Variants in MGAT4C observed in about 807,000 individuals in gnomAD.
MGAT4C encodes alpha-1,3-mannosyl-glycoprotein 4-beta-N-acetylglucosaminyltransferase C.
Under a neutral mutation model 40.1 loss-of-function variants are expected in MGAT4C, and 19 were observed. The observed-to-expected ratio is 0.47, with a 90% CI of 0.33 to 0.70. The LOEUF (loss-of-function observed/expected upper bound fraction) is 0.70, where lower values mean the gene tolerates loss of function less well. Among genes scored for constraint, MGAT4C ranks in the 30% least tolerant of loss-of-function variants. The pLI, the probability that MGAT4C is intolerant of heterozygous loss-of-function variation, is 0.02. For missense variants in MGAT4C, 491 were observed against 563.2 expected (o/e 0.87, Z 1.30); for synonymous variants, 181 against 187.1 (o/e 0.97, Z 0.27).
At chr12:86,286,434 G>A (rs1430080875) in intron 4 of MGAT4C, among the ~76,000 whole-genome samples, 1 of 152,036 alleles carries the variant, frequency 6.6e-6, no homozygotes, top group Non-Finnish European at 1.5e-5. Context: ...TTGCTATACA[G>A]ACAATAATAC....
At chr12:86,142,720 T>C (rs1238798762) in intron 1 of MGAT4C, among the ~76,000 whole-genome samples, 1 of 151,632 alleles carries the variant, frequency 6.6e-6, no homozygotes, top group African/African-American at 2.4e-5. Flanking sequence ...TTTTTTTTTT[T>C]TGTTTTTTTT....
intron 4 of MGAT4C, among the ~76,000 whole-genome samples, chr12:86,268,996 A>G (rs1393015764): frequency 1.6e-5 from 2 of 128,916 alleles, no homozygotes; most frequent in Non-Finnish European, 3.2e-5. Flanking sequence ...CCTTTTGTAT[A>G]TATTCTTTCA....
chr12:85,999,553 T>A (rs1887043259), intron 2 of MGAT4C, among the ~76,000 whole-genome samples: 1 of 146,280 alleles, frequency 6.8e-6, no homozygotes, highest in Non-Finnish European at 1.5e-5. Flanking sequence ...TGCAGATGAA[T>A]AGGTAAAGAA....
intron 3 of MGAT4C, among the ~76,000 whole-genome samples, chr12:86,384,762 G>T (rs540199970): frequency 6.6e-6 from 1 of 152,080 alleles, no homozygotes; most frequent in Non-Finnish European, 1.5e-5. Context: ...TCTGTTTAAC[G>T]TCCAGTAATC....
At chr12:86,256,786 T>C (rs190018389), upstream of MGAT4C, among the ~76,000 whole-genome samples, 1 of 152,274 alleles carries the variant, frequency 6.6e-6, no homozygotes, top group Admixed American at 6.5e-5. Context: ...TTGTAATTAC[T>C]TTGCATTGAT....
chr12:86,567,098 T>C (rs765862774), intron 2 of MGAT4C, among the ~76,000 whole-genome samples: 4 of 152,082 alleles, frequency 2.6e-5, no homozygotes, highest in Non-Finnish European at 5.9e-5. Context: ...TGTGGCAAAG[T>C]ACTCCAGGAG....
At chr12:86,468,475 C>T (rs1409576426) in intron 2 of MGAT4C, among the ~76,000 whole-genome samples, 1 of 151,950 alleles carries the variant, frequency 6.6e-6, no homozygotes, top group African/African-American at 2.4e-5. Context: ...CTCTCCACCC[C>T]ATATCCACAC....
intron 2 of MGAT4C, among the ~76,000 whole-genome samples, chr12:86,045,671 G>T (rs1158688662): frequency 6.6e-6 from 1 of 152,104 alleles, no homozygotes; most frequent in Non-Finnish European, 1.5e-5. Context: ...GATAATCAGA[G>T]AACAACAATC....
At chr12:86,333,357 C>A (rs1954714244) in intron 4 of MGAT4C, among the ~76,000 whole-genome samples, 1 of 152,112 alleles carries the variant, frequency 6.6e-6, no homozygotes, top group South Asian at 2.1e-4. Flanking sequence ...CATCATTTAC[C>A]CCTCTCTCTC....
intron 1 of MGAT4C, among the ~76,000 whole-genome samples, chr12:86,097,806 C>T (rs891778873): frequency 2.6e-5 from 4 of 151,546 alleles, no homozygotes; most frequent in Non-Finnish European, 4.4e-5. Context: ...GAAAGCCCCA[C>T]GTACCTATTA....
chr12:86,463,054 C>G (rs1244670999), intron 2 of MGAT4C, among the ~76,000 whole-genome samples: 2 of 152,040 alleles, frequency 1.3e-5, no homozygotes, highest in Admixed American at 1.3e-4. Context: ...TCCATACCAC[C>G]CAGAATCTGA....
At chr12:86,675,047 A>G in intron 2 of MGAT4C, among the ~76,000 whole-genome samples, 1 of 152,106 alleles carries the variant, frequency 6.6e-6, no homozygotes, top group East Asian at 1.9e-4. Context: ...AAGTGAGAAA[A>G]CTTACAACAC....
chr12:86,702,167 G>C (rs1291455444), intron 2 of MGAT4C, among the ~76,000 whole-genome samples: 1 of 151,470 alleles, frequency 6.6e-6, no homozygotes, highest in Admixed American at 6.6e-5. Flanking sequence ...GTAGCTAGCT[G>C]AGTCTTGCAA....
chr12:86,100,775 T>G (rs1874857698), intron 1 of MGAT4C, among the ~76,000 whole-genome samples: 1 of 151,506 alleles, frequency 6.6e-6, no homozygotes, highest in Admixed American at 6.6e-5. Flanking sequence ...CATGGTCAAA[T>G]AAAATTTTGG....
At chr12:86,299,139 C>T (rs112860792) in intron 4 of MGAT4C, among the ~76,000 whole-genome samples, 261 of 152,042 alleles carry the variant, frequency 1.7e-3, no homozygotes, top group African/African-American at 6.0e-3. Context: ...ATTTTTGAGA[C>T]GAATCTCGCT....
intron 1 of MGAT4C, among the ~76,000 whole-genome samples, chr12:86,769,406 C>A (rs1951585950): frequency 6.6e-6 from 1 of 152,100 alleles, no homozygotes; most frequent in Non-Finnish European, 1.5e-5. Context: ...AACACTTTTA[C>A]ACTGTTGGTG....
At position 86,394,616 on chromosome 12, in the gene MGAT4C, TTATA is replaced by T. The variant is rs71076194; in HGVS notation, c.-120+40537_-120+40540del. 5.4e-3 allele frequency among the ~76,000 whole-genome samples: 732 copies of T among 135,448 alleles called. 2 individuals are homozygous for T. The highest frequency in any genetic ancestry group is 0.019 in the African/African-American group (698 of 37,446). The allele number at this position is 135,448 out of a possible 152,430, so 88.9% of individuals were successfully genotyped here. On this transcript the variant is annotated intron_variant, in intron 3 of 7. Coordinates refer to the MGAT4C transcript ENST00000548651. ...TTTATATATTTTATATATATATACT[TTATA>T]TATATATATATATATGTACTTTTTT...
At chr12:86,725,606 G>T (rs557670350) in intron 2 of MGAT4C, among the ~76,000 whole-genome samples, 1 of 152,104 alleles carries the variant, frequency 6.6e-6, no homozygotes, top group Admixed American at 6.5e-5. Context: ...GATTACAGGC[G>T]CACGCTGCCT....
intron 1 of MGAT4C, among the ~76,000 whole-genome samples, chr12:86,206,000 G>T (rs1191720186): frequency 1.3e-5 from 2 of 151,772 alleles, no homozygotes; most frequent in African/African-American, 4.8e-5. Flanking sequence ...TTTAGATTAT[G>T]TGGGCAGGTC....
Sources: allele counts gnomAD v4.1 joint callset (sites outside exome capture counted in the v4.1 genomes callset), GRCh38; gene constraint gnomAD v4.1.1; transcripts MANE v1.5; gene names NCBI Gene and HGNC (gene_info 2026-07-23, HGNC 2026-07-21).